Variants in GSN observed in about 807,000 individuals in gnomAD.
The protein encoded by GSN is actin-depolymerizing factor.
A neutral mutation model predicts 85.7 loss-of-function variants in GSN; 56 were observed. The observed-to-expected ratio is 0.65, with a 90% CI of 0.53 to 0.82. The LOEUF (loss-of-function observed/expected upper bound fraction) is 0.82. Ranked by LOEUF, GSN falls within the 40% of genes least tolerant of loss-of-function variation. The probability of loss-of-function intolerance (pLI) is 0.00; values close to 1 mark genes in which losing one functional copy is unlikely to be tolerated. For missense variants in GSN, 857 were observed against 979.8 expected (o/e 0.87, Z 1.67); for synonymous variants, 373 against 399.1 (o/e 0.93, Z 0.78).
intron 4 of GSN, among the ~76,000 whole-genome samples, chr9:121,224,213 C>T (rs10985183): frequency 0.025 from 3,832 of 152,164 alleles, 71 homozygotes; most frequent in Middle Eastern, 0.051. Flanking sequence ...TCTCCTGCCT[C>T]AGCCTCCCGA....
In GSN at chr9:121,320,705, A is replaced by C. The variant is rs557727506; in HGVS notation, c.1192-563A>C. Reference sequence around the variant, plus strand: ...AATCCAGGCAGCTCAGTAACAATAGAGGTAATGGTGATATTAGTAAGATAA... The same window carrying C: ...AATCCAGGCAGCTCAGTAACAATAGCGGTAATGGTGATATTAGTAAGATAA... On this transcript the variant is annotated intron_variant, in intron 10 of 17. Transcript: ENST00000432226. 7.2e-5 allele frequency among the ~76,000 whole-genome samples: 11 copies of C among 152,100 alleles called. No homozygotes were observed. In the East Asian group the frequency reaches 2.1e-3, roughly 29 times the overall value.
intron 4 of GSN, among the ~76,000 whole-genome samples, chr9:121,303,837 A>T (rs879851792): frequency 1.3e-5 from 2 of 152,182 alleles, no homozygotes; most frequent in South Asian, 2.1e-4. Flanking sequence ...CTTGGTCAGG[A>T]TAGAGAAGGG....
intron 5 of GSN, among the ~76,000 whole-genome samples, chr9:121,240,547 C>T (rs566904267): frequency 3.9e-5 from 6 of 152,334 alleles, no homozygotes; most frequent in South Asian, 4.1e-4. Context: ...GATGATTCTG[C>T]GTCAATATCC....
At chr9:121,290,270 C>A (rs2058560539) in intron 2 of GSN, among the ~76,000 whole-genome samples, 1 of 152,112 alleles carries the variant, frequency 6.6e-6, no homozygotes, top group Non-Finnish European at 1.5e-5. Flanking sequence ...CACGGGAGCC[C>A]AGCTTCGTGC....
At chr9:121,224,056 TA>T (rs35294951) in intron 4 of GSN, among the ~76,000 whole-genome samples, 3 of 151,620 alleles carry the variant, frequency 2.0e-5, no homozygotes, top group Non-Finnish European at 2.9e-5. Flanking sequence ...TCTGATAGGT[TA>T]AAAAAAAGGT....
chr9:121,239,000 G>A (rs1385358847), intron 5 of GSN: 12 of 513,162 alleles, frequency 2.3e-5, no homozygotes, highest in Non-Finnish European at 3.9e-5. Context: ...TCTCTCTTGT[G>A]TAGCTGTCTG....
intron 2 of GSN, among the ~76,000 whole-genome samples, chr9:121,292,987 C>T (rs190675130): frequency 6.6e-6 from 1 of 152,338 alleles, no homozygotes; most frequent in East Asian, 1.9e-4. Flanking sequence ...AATGGGCTCA[C>T]ACTTCCTGCC....
At chr9:121,268,121 A>ACCCCGGCCGCGCGCACCACAACG (rs1429544565), upstream of GSN, 1 of 146,454 alleles carries the variant, frequency 6.8e-6, no homozygotes, top group Non-Finnish European at 1.5e-5. Context: ...CGCCCTGCCC[A>ACCCCGGCCGCGCGCACCACAACG]CCCCGGCCGC....
At chr9:121,281,605 G>A (rs1404651174) in intron 2 of GSN, 43 bp downstream of exon 2, 6 of 471,208 alleles carry the variant, frequency 1.3e-5, no homozygotes, top group Admixed American at 2.3e-5. Flanking sequence ...CTTAAACCCC[G>A]CCCTGGCTGC....
chr9:121,330,728 C>T (rs1237084562), intron 16 of GSN, among the ~76,000 whole-genome samples: 1 of 152,042 alleles, frequency 6.6e-6, no homozygotes, highest in African/African-American at 2.4e-5. Context: ...TGTAACAAGA[C>T]TCAAAATGGT....
intron 4 of GSN, chr9:121,308,334 A>G (rs1304094111): frequency 6.6e-6 from 1 of 152,316 alleles, no homozygotes; most frequent in Non-Finnish European, 1.5e-5. Flanking sequence ...GCTCTGAATA[A>G]TGGCTTGTTC....
intron 2 of GSN, chr9:121,297,797 CAA>C (rs1343157711): frequency 1.3e-5 from 2 of 152,204 alleles, no homozygotes; most frequent in African/African-American, 4.8e-5. Flanking sequence ...TTTCTTCAAA[CAA>C]TGCTTCAGTG....
intron 5 of GSN, chr9:121,239,803 ACCACTG>A: frequency 4.0e-6 from 1 of 249,904 alleles, no homozygotes; most frequent in South Asian, 5.9e-5. Flanking sequence ...AAATACCTGA[ACCACTG>A]CCTTGGAGCC....
At position 121,329,347 on chromosome 9, in the gene GSN, C is replaced by G. The variant is rs1411112321; in HGVS notation, c.1965+32C>G. The G allele has an allele frequency of 1.6e-6, 2 of 1,279,646 alleles. No homozygotes were observed. The highest frequency in any genetic ancestry group is 2.3e-6 in the Non-Finnish European group (2 of 874,750). The allele number at this position is 1,279,646 out of a possible 1,614,324, so 79.3% of individuals were successfully genotyped here. On this transcript the variant is annotated intron_variant, in intron 16 of 17. Transcript: ENST00000432226. This position sits in a 1 kb window ranked among gnomAD's most constrained non-coding sequence, Gnocchi z 4.6. ...GAAGGACAGGTGAAGGCTCTCTGTG[C>G]CAGAGGGAGTGGGAGAAACTAGACT...
chr9:121,295,040 C>T (rs917904962), intron 2 of GSN, among the ~76,000 whole-genome samples: 17 of 152,150 alleles, frequency 1.1e-4, no homozygotes, highest in African/African-American at 2.9e-4. Context: ...AGCGTCTCAC[C>T]GTGAAATCTG....
chr9:121,238,380 A>G (rs1414111829), intron 5 of GSN, among the ~76,000 whole-genome samples: 1 of 152,228 alleles, frequency 6.6e-6, no homozygotes, highest in Non-Finnish European at 1.5e-5. Context: ...TTAGTCTTCC[A>G]GCCTGCATTT....
intron 2 of GSN, among the ~76,000 whole-genome samples, chr9:121,293,644 G>A (rs2058916770): frequency 6.7e-6 from 1 of 149,090 alleles, no homozygotes; most frequent in Non-Finnish European, 1.5e-5. Context: ...GTGGCAGTGA[G>A]CCGAGATCAC....
chr9:121,282,919 C>T (rs143516248), intron 2 of GSN: 265 of 195,242 alleles, frequency 1.4e-3, no homozygotes, highest in African/African-American at 6.1e-3. Context: ...CGCCTGAGAG[C>T]TTTGCTTATT....
intron 4 of GSN, among the ~76,000 whole-genome samples, chr9:121,227,391 C>T (rs1241063675): frequency 6.7e-6 from 1 of 149,204 alleles, no homozygotes; most frequent in African/African-American, 2.5e-5. Context: ...GAGACTCCAT[C>T]TAAAAAAAAA....
Sources: gnomAD v4.1 joint callset for allele counts (sites outside exome capture counted in the v4.1 genomes callset) on GRCh38, gnomAD v4.1.1 for gene constraint, Gnocchi (gnomAD v3.1) non-coding constraint, MANE v1.5 for transcripts, NCBI Gene and HGNC (gene_info 2026-07-23, HGNC 2026-07-21) for gene names.